Variants in SPATA16 observed in about 807,000 individuals in gnomAD.
SPATA16 encodes the protein spermatogenesis-associated protein 16.
Under a neutral mutation model 63.3 loss-of-function variants are expected in SPATA16, and 36 were observed. The observed-to-expected ratio is 0.57, with a 90% CI of 0.44 to 0.75. SPATA16 has a LOEUF of 0.75. Ranked by LOEUF, SPATA16 falls within the 30% of genes least tolerant of loss-of-function variation. The pLI, the probability that SPATA16 is intolerant of heterozygous loss-of-function variation, is 0.00. For synonymous variants in SPATA16, 203 were observed against 216.7 expected (o/e 0.94, Z 0.56); for missense variants, 646 against 679.3 (o/e 0.95, Z 0.54).
At chr3:173,134,586 G>A (rs374655281) in intron 1 of SPATA16, among the ~76,000 whole-genome samples, 1 of 152,070 alleles carries the variant, frequency 6.6e-6, no homozygotes, top group Non-Finnish European at 1.5e-5. Context: ...TCTTTGCCAC[G>A]TGGTAATGCA....
At chr3:172,894,909 G>A (rs1341435443) in intron 10 of SPATA16, among the ~76,000 whole-genome samples, 2 of 152,146 alleles carry the variant, frequency 1.3e-5, no homozygotes, top group Non-Finnish European at 2.9e-5. Context: ...GGAATGATGA[G>A]AAATACATTT....
chr3:173,122,583 T>C (rs1420755850), intron 1 of SPATA16, among the ~76,000 whole-genome samples: 1 of 152,160 alleles, frequency 6.6e-6, no homozygotes, highest in Non-Finnish European at 1.5e-5. Flanking sequence ...AAAAACACCT[T>C]GCTTGTTAGT....
intron 2 of SPATA16, among the ~76,000 whole-genome samples, chr3:173,058,196 G>A (rs954002761): frequency 2.6e-5 from 4 of 151,906 alleles, no homozygotes; most frequent in Non-Finnish European, 5.9e-5. Flanking sequence ...AATATATCAT[G>A]AACATTTTCA....
chr3:172,898,842 A>T (rs1436543899), intron 10 of SPATA16, among the ~76,000 whole-genome samples: 3 of 151,750 alleles, frequency 2.0e-5, no homozygotes, highest in Non-Finnish European at 4.4e-5. Context: ...TAGTGTATGC[A>T]TTTAGTGCTA....
At chr3:173,119,804 C>T (rs77203047) in intron 1 of SPATA16, among the ~76,000 whole-genome samples, 16,337 of 151,948 alleles carry the variant, frequency 0.11, 1,094 homozygotes, top group East Asian at 0.3. Context: ...CGATGGCTCA[C>T]GCCTGTAAAT....
intron 3 of SPATA16, among the ~76,000 whole-genome samples, chr3:173,026,651 T>C (rs1735460532): frequency 6.6e-6 from 1 of 151,962 alleles, no homozygotes; most frequent in Non-Finnish European, 1.5e-5. Context: ...AAATCTGCAA[T>C]TTTCCCGGCA....
At chr3:173,130,426 A>G (rs1738347797) in intron 1 of SPATA16, among the ~76,000 whole-genome samples, 2 of 151,336 alleles carry the variant, frequency 1.3e-5, no homozygotes, top group Admixed American at 1.3e-4. Flanking sequence ...TACAGCTTTC[A>G]CCATTGTCAT....
intron 3 of SPATA16, among the ~76,000 whole-genome samples, chr3:173,035,727 A>T (rs1735702123): frequency 6.6e-6 from 1 of 152,124 alleles, no homozygotes; most frequent in East Asian, 1.9e-4. Flanking sequence ...CTCAACGTGC[A>T]GCCTGCAAAT....
At chr3:173,000,986 A>G (rs1734809123) in intron 4 of SPATA16, among the ~76,000 whole-genome samples, 1 of 152,268 alleles carries the variant, frequency 6.6e-6, no homozygotes, top group Admixed American at 6.5e-5. Flanking sequence ...AGTTTCTTTT[A>G]GAATTCCTGT....
At chr3:172,949,771 A>T (rs1733384794) in intron 6 of SPATA16, among the ~76,000 whole-genome samples, 1 of 152,100 alleles carries the variant, frequency 6.6e-6, no homozygotes, top group African/African-American at 2.4e-5. Flanking sequence ...AGAACCTGAG[A>T]AACTGGTAAG....
At chr3:172,993,062 AT>A (rs1458214075) in intron 4 of SPATA16, among the ~76,000 whole-genome samples, 1 of 152,154 alleles carries the variant, frequency 6.6e-6, no homozygotes, top group African/African-American at 2.4e-5. Flanking sequence ...GAATTCTCTT[AT>A]CCCCCAGTGG....
At chr3:173,022,752 A>T (rs1295186380) in intron 3 of SPATA16, among the ~76,000 whole-genome samples, 1 of 152,092 alleles carries the variant, frequency 6.6e-6, no homozygotes, top group Non-Finnish European at 1.5e-5. Flanking sequence ...GTGAAAAAAA[A>T]AAAAACTACA....
At chr3:173,057,115 C>CTTTTCT (rs775415526) in intron 2 of SPATA16, among the ~76,000 whole-genome samples, 11 of 138,182 alleles carry the variant, frequency 8.0e-5, no homozygotes, top group Non-Finnish European at 1.2e-4. Flanking sequence ...CTTTTCTTTT[C>CTTTTCT]TTTTTTTTTT....
intron 4 of SPATA16, among the ~76,000 whole-genome samples, chr3:173,007,435 C>T: frequency 6.6e-6 from 1 of 152,064 alleles, no homozygotes; most frequent in Non-Finnish European, 1.5e-5. Flanking sequence ...AGAGGTGAAG[C>T]TGAGAATGAG....
In SPATA16 at chr3:172,965,153, C is replaced by T. The variant is rs181630800; in HGVS notation, c.934-8329G>A. Among the ~76,000 whole-genome samples, 348 of 152,294 alleles carry T rather than the reference C, an allele frequency of 2.3e-3. 3 individuals are homozygous for T. Among genetic ancestry groups the T allele is most frequent in the African/African-American group, 7.8e-3 (323 of 41,556 alleles). Reference sequence around the variant, plus strand: ...ATGCTGGAAAGCAAGCATTATTACTCCATTTTATAGTTGAGGAAAACTTAG... The same window carrying T: ...ATGCTGGAAAGCAAGCATTATTACTTCATTTTATAGTTGAGGAAAACTTAG... On this transcript the variant is annotated intron_variant, in intron 5 of 10. Coordinates refer to ENST00000351008, the MANE Select transcript of SPATA16 (RefSeq NM_031955.6).
intron 3 of SPATA16, among the ~76,000 whole-genome samples, chr3:173,043,306 G>T (rs1735887773): frequency 1.3e-5 from 2 of 150,820 alleles, no homozygotes; most frequent in Non-Finnish European, 1.5e-5. Flanking sequence ...TCAATTATTG[G>T]CTTTCTAGCT....
chr3:172,988,642 A>G (rs1379188490), intron 4 of SPATA16, among the ~76,000 whole-genome samples: 1 of 152,232 alleles, frequency 6.6e-6, no homozygotes, highest in Admixed American at 6.5e-5. Context: ...ATTTTACTTT[A>G]TAACACTTTA....
chr3:173,115,808 A>G (rs1315358506), intron 2 of SPATA16, among the ~76,000 whole-genome samples: 1 of 151,870 alleles, frequency 6.6e-6, no homozygotes, highest in Non-Finnish European at 1.5e-5. Context: ...TACTCTTTAC[A>G]TTGCACCACT....
intron 3 of SPATA16, among the ~76,000 whole-genome samples, chr3:173,023,137 A>ATGTGTG (rs11282206): frequency 6.5e-4 from 91 of 139,960 alleles, no homozygotes; most frequent in East Asian, 4.2e-4. Context: ...ATGCTTGTGT[A>ATGTGTG]TGTGTGTGTG....
Sources: gnomAD v4.1 joint callset for allele counts (sites outside exome capture counted in the v4.1 genomes callset) on GRCh38, gnomAD v4.1.1 for gene constraint, MANE v1.5 for transcripts, NCBI Gene and HGNC (gene_info 2026-07-23, HGNC 2026-07-21) for gene names.